Variants in NRXN3 observed in about 807,000 individuals in gnomAD.
The protein encoded by NRXN3 is neurexin 3.
A neutral mutation model predicts 137.6 loss-of-function variants in NRXN3; 32 were observed. The ratio of observed to expected loss-of-function variants is 0.23; its 90% CI spans 0.18 to 0.31. The LOEUF is 0.31. Ranked by LOEUF, NRXN3 falls within the 10% of genes least tolerant of loss-of-function variation. NRXN3 has a pLI of 1.00. For synonymous variants in NRXN3, 798 were observed against 784.5 expected, an observed-to-expected ratio of 1.02 and a Z score of -0.29; for missense variants, 1,574 against 2,062.5, an observed-to-expected ratio of 0.76 and a Z score of 4.59.
At position 79,451,281 on chromosome 14, in the gene NRXN3, G is replaced by A. The variant is rs1040431964; in HGVS notation, c.3263-15940G>A. On this transcript the variant is annotated intron_variant, in intron 15 of 20. Coordinates refer to ENST00000335750, the MANE Select transcript of NRXN3 (RefSeq NM_001330195.2). ...TGGGAAATGAGCTCCAGCATAACACGGGTTCTGGGTCTGTAGTGGCATCGC... is the reference window on the plus strand; with the variant it reads ...TGGGAAATGAGCTCCAGCATAACACAGGTTCTGGGTCTGTAGTGGCATCGC... 2.6e-5 allele frequency among the ~76,000 whole-genome samples: 4 copies of A among 152,010 alleles called. No individual in the cohort carries two copies. The East Asian group carries it at 7.7e-4, about 29-fold the overall frequency.
chr14:78,482,971 A>G (rs912058296), intron 4 of NRXN3, among the ~76,000 whole-genome samples: 2 of 151,996 alleles, frequency 1.3e-5, no homozygotes, highest in Non-Finnish European at 2.9e-5. Flanking sequence ...GTGTTCTAGT[A>G]CCCATCTTCC....
At chr14:78,264,470 G>A (rs929033731) in intron 2 of NRXN3, among the ~76,000 whole-genome samples, 4 of 152,158 alleles carry the variant, frequency 2.6e-5, no homozygotes, top group African/African-American at 9.7e-5. Context: ...TGGAAAATTA[G>A]GTCAGTGGCA....
In NRXN3 at chr14:78,716,811, A is replaced by C. The variant is rs530985519; in HGVS notation, c.2044+1672A>C. On this transcript the variant is annotated intron_variant, in intron 8 of 20. Transcript: ENST00000335750. ...ATACAGGACATGAGGACAAAGGAAG[A>C]AAAGAGAGCTTTCTTGGAGCATATG... Among the ~76,000 whole-genome samples, 67 of 152,354 alleles carry C rather than the reference A, an allele frequency of 4.4e-4. 1 individual carries two copies. Among genetic ancestry groups the C allele is most frequent in the African/African-American group, 1.6e-3 (67 of 41,580 alleles).
At chr14:78,938,856 T>TTTTTCTTTTC (rs2099347289) in intron 10 of NRXN3, among the ~76,000 whole-genome samples, 1 of 134,940 alleles carries the variant, frequency 7.4e-6, no homozygotes. Context: ...TTCTTTTTTT[T>TTTTTCTTTTC]TTTTTTTTGA....
At chr14:79,695,012 A>C (rs571812610) in intron 18 of NRXN3, among the ~76,000 whole-genome samples, 1 of 152,110 alleles carries the variant, frequency 6.6e-6, no homozygotes, top group South Asian at 2.1e-4. Context: ...TCAAGAATTG[A>C]TTAGTCAGAT....
intron 10 of NRXN3, among the ~76,000 whole-genome samples, chr14:78,820,098 A>G (rs2098946338): frequency 6.6e-6 from 1 of 152,062 alleles, no homozygotes; most frequent in East Asian, 1.9e-4. Context: ...GCGGTGTAGG[A>G]TGTACAGTGA....
At chr14:78,919,322 T>C (rs2099264886) in intron 10 of NRXN3, among the ~76,000 whole-genome samples, 1 of 152,222 alleles carries the variant, frequency 6.6e-6, no homozygotes, top group Admixed American at 6.5e-5. Flanking sequence ...TGTTGAAATA[T>C]GGCACCAAAA....
intron 5 of NRXN3, among the ~76,000 whole-genome samples, chr14:78,647,814 A>G (rs977828634): frequency 1.3e-5 from 2 of 152,248 alleles, no homozygotes; most frequent in African/African-American, 4.8e-5. Flanking sequence ...TTAAAATAAT[A>G]TTTATAACAT....
intron 4 of NRXN3, among the ~76,000 whole-genome samples, chr14:78,383,811 AGTGTTAATCCTT>A (rs937944509): frequency 1.3e-5 from 2 of 152,164 alleles, no homozygotes; most frequent in African/African-American, 4.8e-5. Flanking sequence ...GTACTCAGTA[AGTGTTAATCCTT>A]GCCTTTGCCC....
intron 15 of NRXN3, among the ~76,000 whole-genome samples, chr14:79,224,940 T>G (rs2070546704): frequency 6.6e-6 from 1 of 152,172 alleles, no homozygotes; most frequent in Non-Finnish European, 1.5e-5. Flanking sequence ...GTGAGAAAAT[T>G]AATCTATTAA....
intron 4 of NRXN3, among the ~76,000 whole-genome samples, chr14:78,569,019 G>A (rs896538231): frequency 2.0e-5 from 3 of 147,460 alleles, no homozygotes; most frequent in African/African-American, 5.1e-5. Flanking sequence ...CCAGGCTGGA[G>A]TGCAGTGGCG....
At chr14:79,284,698 C>A (rs1598300464) in intron 15 of NRXN3, among the ~76,000 whole-genome samples, 1 of 152,066 alleles carries the variant, frequency 6.6e-6, no homozygotes, top group African/African-American at 2.4e-5. Context: ...GATGGGCCCC[C>A]TTGTGACACA....
rs1306627712 is a variant in NRXN3, at chr14:78,417,803, C to T, written c.757+119943C>T. Among the ~76,000 whole-genome samples the T allele has an allele frequency of 2.0e-5, 3 of 152,194 alleles. No homozygotes were observed. The East Asian group carries it at 5.8e-4, about 29-fold the overall frequency. On this transcript the variant is annotated intron_variant, in intron 4 of 20. Transcript: ENST00000335750. ...CAGAGTCTCACTCTTGTCCCCCAGG[C>T]TGGAGTGCAATGGCACGATCTGGTC... is the stretch of plus-strand genomic sequence containing the variant.
intron 15 of NRXN3, among the ~76,000 whole-genome samples, chr14:79,414,756 A>G (rs2095472051): frequency 6.6e-6 from 1 of 152,096 alleles, no homozygotes; most frequent in Non-Finnish European, 1.5e-5. Flanking sequence ...CATTTTAAGT[A>G]TACAATACAT....
chr14:79,195,018 C>T (rs1259552036), intron 15 of NRXN3, among the ~76,000 whole-genome samples: 1 of 151,870 alleles, frequency 6.6e-6, no homozygotes, highest in Non-Finnish European at 1.5e-5. Context: ...ACTGTCAAAA[C>T]TGGTAATTAA....
At chr14:78,192,096 G>A (rs2153376915) in intron 1 of NRXN3, among the ~76,000 whole-genome samples, 1 of 150,786 alleles carries the variant, frequency 6.6e-6, no homozygotes, top group African/African-American at 2.5e-5. Flanking sequence ...GTGTGTGTGT[G>A]TGTGTGTGTG....
Position 79,862,651 on chromosome 14 carries a change from A to G in NRXN3, c.*687A>G, listed in dbSNP as rs1440122469. ...AACAAAAGCGAGAGAGACTATTGCC[A>G]TATGAACTCAAAAGCTATCATGGTG... On this transcript the variant is annotated 3_prime_UTR_variant, in exon 21 of 21. Transcript: ENST00000335750. The G allele has an allele frequency of 1.3e-5, 2 of 152,650 alleles. No homozygotes were observed. Among genetic ancestry groups the G allele is most frequent in the African/African-American group, 4.8e-5 (2 of 41,442 alleles). The allele number at this position is 152,650 out of a possible 1,614,324, so 9.5% of individuals were successfully genotyped here.
At chr14:79,380,461 C>G (rs182197836) in intron 15 of NRXN3, among the ~76,000 whole-genome samples, 1 of 150,308 alleles carries the variant, frequency 6.7e-6, no homozygotes, top group Non-Finnish European at 1.5e-5. Context: ...GGTTTTCTGT[C>G]CTTGCGATAG....
intron 16 of NRXN3, among the ~76,000 whole-genome samples, chr14:79,523,465 T>C (rs539036775): frequency 1.4e-4 from 21 of 151,984 alleles, no homozygotes; most frequent in African/African-American, 4.6e-4. Flanking sequence ...CCTGAAAATG[T>C]AGTGATGGAA....
Sources: allele counts gnomAD v4.1 joint callset (sites outside exome capture counted in the v4.1 genomes callset), GRCh38; gene constraint gnomAD v4.1.1; transcripts MANE v1.5; gene names NCBI Gene and HGNC (gene_info 2026-07-23, HGNC 2026-07-21).